CRYBG3: variants seen among roughly 807,000 people sequenced by gnomAD.
The protein encoded by CRYBG3 is very large A-kinase anchor protein.
In CRYBG3, 127 loss-of-function variants were observed where a neutral mutation model predicts 244.2. The observed-to-expected ratio is 0.52, with a 90% CI of 0.45 to 0.60. The LOEUF (loss-of-function observed/expected upper bound fraction) is 0.60. CRYBG3 is among the 20% of genes least tolerant of loss of function. CRYBG3 has a pLI of 0.00. For missense variants in CRYBG3, 3,325 were observed against 3,442.5 expected (o/e 0.97, Z 0.85); for synonymous variants, 1,132 against 1,195.8 (o/e 0.95, Z 1.10).
intron 10 of CRYBG3, among the ~76,000 whole-genome samples, chr3:97,890,038 T>C (rs893345548): frequency 6.6e-6 from 1 of 152,148 alleles, no homozygotes; most frequent in Admixed American, 6.6e-5. Context: ...GAAGCAGGGA[T>C]TCATTCGTCT....
intron 17 of CRYBG3, among the ~76,000 whole-genome samples, chr3:97,925,865 G>A (rs1325292886): frequency 6.6e-6 from 1 of 151,892 alleles, no homozygotes; most frequent in East Asian, 1.9e-4. Context: ...TAAATAAGGA[G>A]AAAACAAAGA....
chr3:97,942,192 CTA>C, intron 20 of CRYBG3, 90 bp from the exon 21 acceptor site: 2 of 1,124,888 alleles, frequency 1.8e-6, no homozygotes, highest in South Asian at 1.7e-5. Context: ...CACTTCATGT[CTA>C]TGACTTGTTT....
At chr3:97,842,626 G>A (rs2038837460) in intron 1 of CRYBG3, among the ~76,000 whole-genome samples, 1 of 152,152 alleles carries the variant, frequency 6.6e-6, no homozygotes, top group South Asian at 2.1e-4. Flanking sequence ...GGCATCTGAG[G>A]AGGTATTCCA....
At chr3:97,912,025 A>T (rs1028020332) in intron 15 of CRYBG3, 142 bp from the exon 16 acceptor site, 2 of 464,204 alleles carry the variant, frequency 4.3e-6, no homozygotes, top group African/African-American at 2.0e-5. Flanking sequence ...TATCCCTAAC[A>T]TGAATTCATT....
chr3:97,824,433 C>T (rs908826856), intron 1 of CRYBG3, among the ~76,000 whole-genome samples: 3 of 152,106 alleles, frequency 2.0e-5, no homozygotes, highest in Admixed American at 6.6e-5. Context: ...TTATGAGACC[C>T]GTAAAAGTCG....
chr3:97,875,585 C>T lies in CRYBG3; in HGVS notation c.4391C>T (p.Thr1464Ile). ...MEIENVDNNK[T>I]ETEDRRTLVL... ...ATAGAGAATGTGGATAATAACAAAA[C>T]TGAGACAGAGGACAGAAGAACTCTT... Residue 1464 changes from threonine (T) to isoleucine (I), a missense_variant, in exon 4 of 22, where the codon ACT becomes ATT. Physicochemically the swap from Thr to Ile is moderately conservative, Grantham distance 89. Transcript: ENST00000389622. 3 of 1,238,912 alleles carry T rather than the reference C, an allele frequency of 2.4e-6. No individual in the cohort carries two copies. The highest frequency in any genetic ancestry group is 3.0e-6 in the Non-Finnish European group (3 of 992,830). 76.7% of individuals were successfully genotyped at this position (1,238,912 alleles called of 1,614,324 possible). A position where few individuals can be genotyped will look rare whatever the true frequency, so the allele number is the denominator to read the frequency against.
rs994043276 is a variant in CRYBG3 at position 97,822,040 on chromosome 3, G to C, written c.-167G>C. ...TGAGGAGCTGCCGCGCGAGGAGCGC[G>C]TCGCGTCCGCACTTCTCCTGCCCGA... On this transcript the variant is annotated 5_prime_UTR_variant, in exon 1 of 22. Coordinates refer to ENST00000389622, the MANE Select transcript of CRYBG3 (RefSeq NM_153605.4). 9.2e-5 allele frequency: 43 copies of C among 469,328 alleles called. No homozygotes were observed. In the Admixed American group the frequency reaches 1.5e-3, roughly 16 times the overall value. 29.1% of individuals were successfully genotyped at this position (469,328 alleles called of 1,614,324 possible).
rs1393722968 is a variant in CRYBG3, at chr3:97,941,230, C to T, written c.8588C>T (p.Thr2863Ile). The change falls in exon 20 of 22, where the codon ACA becomes ATA. Residue 2863 changes from threonine to isoleucine, a missense_variant. This residue lies in a region of CRYBG3 where 714 missense variants were observed against 803.6 expected (regional missense o/e 0.89). Coordinates refer to ENST00000389622, the MANE Select transcript of CRYBG3 (RefSeq NM_153605.4). ...GGAAGTCTAGCAGACACCAGGGCAA[C>T]ATCTGTGTGCATTTCTCCCTATAGT... ...VTGSLADTRA[T>I]SVCISPYSGK... 1.2e-6 allele frequency: 2 copies of T among 1,610,468 alleles called. No individual in the cohort carries two copies. The highest frequency in any genetic ancestry group is 1.3e-5 in the African/African-American group (1 of 74,722).
At chr3:97,914,633 G>A (rs368139228) in intron 16 of CRYBG3, among the ~76,000 whole-genome samples, 10 of 152,170 alleles carry the variant, frequency 6.6e-5, no homozygotes, top group Middle Eastern at 3.4e-3. Context: ...ATCTGTAAAG[G>A]AGGGGTAATA....
chr3:97,895,097 A>G (rs538841376), intron 11 of CRYBG3, among the ~76,000 whole-genome samples: 6 of 152,262 alleles, frequency 3.9e-5, no homozygotes, highest in African/African-American at 1.4e-4. Context: ...TGAATTTCAA[A>G]TTTCCCAACC....
intron 12 of CRYBG3, 109 bp from the exon 13 acceptor site, chr3:97,898,774 G>T: frequency 1.5e-6 from 1 of 679,952 alleles, no homozygotes; most frequent in Non-Finnish European, 2.3e-6. Flanking sequence ...TCTTCCTGGA[G>T]TTATTTGTGT....
At chr3:97,822,379 G>T (rs1332639565) in intron 1 of CRYBG3, 24 bp downstream of exon 1, 2 of 1,479,412 alleles carry the variant, frequency 1.4e-6, no homozygotes, top group Non-Finnish European at 1.8e-6. Flanking sequence ...AGGGGGTCGC[G>T]GGGGGGCCCT....
chr3:97,925,761 A>T (rs1047262552), intron 17 of CRYBG3, among the ~76,000 whole-genome samples: 3 of 152,022 alleles, frequency 2.0e-5, no homozygotes, highest in Non-Finnish European at 4.4e-5. Context: ...TTAAAATGTG[A>T]TACAAATATA....
chr3:97,873,375 T>C lies in CRYBG3; in HGVS notation c.2181T>C (p.Ser727=). ...PPPSFCLEYT[S]AIFEFKEVLS... The stretch of plus-strand genomic sequence containing the variant: ...CTTCCTTTTGCCTTGAATATACATC[T>C]GCAATTTTTGAATTCAAAGAAGTTC... The change falls in exon 4 of 22, where the codon TCT becomes TCC. Residue 727 remains serine, a synonymous_variant. Coordinates refer to ENST00000389622, the MANE Select transcript of CRYBG3 (RefSeq NM_153605.4). 1 of 1,535,848 alleles carries C rather than the reference T, an allele frequency of 6.5e-7. No individual in the cohort carries two copies.
chr3:97,919,052 A>G (rs2039956741), intron 17 of CRYBG3, among the ~76,000 whole-genome samples: 1 of 152,198 alleles, frequency 6.6e-6, no homozygotes, highest in African/African-American at 2.4e-5. Context: ...AGATGTATAA[A>G]CTCATAGAGG....
At chr3:97,886,831 A>G (rs2039513876) in intron 8 of CRYBG3, 64 bp downstream of exon 8, 1 of 1,380,788 alleles carries the variant, frequency 7.2e-7, no homozygotes. Flanking sequence ...TCAATAGATG[A>G]CATACATTTT....
chr3:97,893,016 T>C (rs376859090), intron 11 of CRYBG3, 23 bp downstream of exon 11: 3 of 1,583,674 alleles, frequency 1.9e-6, no homozygotes, highest in Non-Finnish European at 2.6e-6. Flanking sequence ...TTTTTAACAT[T>C]TGCACAAGTA....
At chr3:97,858,249 G>GTT (rs746362589) in intron 2 of CRYBG3, among the ~76,000 whole-genome samples, 1 of 149,650 alleles carries the variant, frequency 6.7e-6, no homozygotes, top group Non-Finnish European at 1.5e-5. Flanking sequence ...GATATATGCT[G>GTT]TTATTCTAAT....
intron 7 of CRYBG3, among the ~76,000 whole-genome samples, chr3:97,881,648 G>A (rs996630935): frequency 2.0e-5 from 3 of 151,974 alleles, no homozygotes; most frequent in Admixed American, 6.6e-5. Flanking sequence ...CTCGGGACAC[G>A]GAGGTTGCAG....
Sources: allele counts gnomAD v4.1 joint callset (sites outside exome capture counted in the v4.1 genomes callset), GRCh38; gene constraint gnomAD v4.1.1; regional missense constraint gnomAD v4.1.1; transcripts MANE v1.5; gene names NCBI Gene and HGNC (gene_info 2026-07-23, HGNC 2026-07-21).